Variants in NRG3 observed in about 807,000 individuals in gnomAD.
NRG3 encodes neuregulin 3.
Under a neutral mutation model 66.9 loss-of-function variants are expected in NRG3, and 31 were observed. The ratio of observed to expected loss-of-function variants is 0.46; its 90% confidence interval spans 0.35 to 0.63. NRG3 has a LOEUF of 0.63. Ranked by LOEUF, NRG3 falls within the 20% of genes least tolerant of loss-of-function variation. The probability of loss-of-function intolerance (pLI) is 0.00; values close to 1 mark genes in which losing one functional copy is unlikely to be tolerated. For synonymous variants in NRG3, 393 were observed against 359.4 expected, an observed-to-expected ratio of 1.09 and a Z score of -1.06; for missense variants, 910 against 878.9, an observed-to-expected ratio of 1.04 and a Z score of -0.45.
intron 3 of NRG3, among the ~76,000 whole-genome samples, chr10:82,794,332 T>C (rs527625778): frequency 6.6e-6 from 1 of 152,300 alleles, no homozygotes; most frequent in African/African-American, 2.4e-5. Flanking sequence ...ATCCTCTGTG[T>C]CTGGTATGAG....
intron 1 of NRG3, among the ~76,000 whole-genome samples, chr10:82,348,378 G>C (rs1245055130): frequency 6.9e-6 from 1 of 145,232 alleles, no homozygotes; most frequent in Non-Finnish European, 1.5e-5. Context: ...TTTTCTTTAA[G>C]AATGTTGAAT....
intron 3 of NRG3, among the ~76,000 whole-genome samples, chr10:82,825,673 C>G (rs1288596904): frequency 6.6e-6 from 1 of 152,136 alleles, no homozygotes; most frequent in Non-Finnish European, 1.5e-5. Context: ...GAGTTCAAAG[C>G]ACAGGCAAAT....
At chr10:82,143,906 C>T (rs1006156948) in intron 1 of NRG3, among the ~76,000 whole-genome samples, 15 of 151,772 alleles carry the variant, frequency 9.9e-5, no homozygotes, top group African/African-American at 3.1e-4. Context: ...GGTGCACACC[C>T]GTAGTCCCAG....
At chr10:82,729,553 G>T (rs2134626207) in intron 2 of NRG3, among the ~76,000 whole-genome samples, 1 of 152,188 alleles carries the variant, frequency 6.6e-6, no homozygotes, top group East Asian at 1.9e-4. Context: ...AAGTGTACAG[G>T]GTGTTCATGC....
intron 2 of NRG3, among the ~76,000 whole-genome samples, chr10:82,723,971 C>T (rs530631137): frequency 5.1e-4 from 76 of 150,160 alleles, no homozygotes; most frequent in African/African-American, 1.7e-3. Flanking sequence ...CAGAGCGAGA[C>T]TCCATCTCAA....
intron 2 of NRG3, among the ~76,000 whole-genome samples, chr10:82,535,664 A>G (rs774886964): frequency 2.6e-5 from 4 of 152,148 alleles, no homozygotes; most frequent in Non-Finnish European, 4.4e-5. Context: ...GAACCTGCAT[A>G]TGAGAGATCA....
intron 2 of NRG3, among the ~76,000 whole-genome samples, chr10:82,481,105 A>G (rs1842231654): frequency 6.6e-6 from 1 of 152,144 alleles, no homozygotes; most frequent in Non-Finnish European, 1.5e-5. Context: ...CCCAGCTACC[A>G]TCTCATGCCT....
intron 4 of NRG3, among the ~76,000 whole-genome samples, chr10:82,921,560 C>A (rs1846424084): frequency 6.6e-6 from 1 of 152,126 alleles, no homozygotes; most frequent in Admixed American, 6.5e-5. Flanking sequence ...TCTCTACTAT[C>A]TTCACAATAA....
intron 3 of NRG3, among the ~76,000 whole-genome samples, chr10:82,812,632 T>A (rs2135514020): frequency 6.6e-6 from 1 of 152,214 alleles, no homozygotes; most frequent in Non-Finnish European, 1.5e-5. Context: ...AAAATGAATT[T>A]AAAAAGCACA....
chr10:82,947,172 T>G (rs995384522), intron 4 of NRG3, among the ~76,000 whole-genome samples: 2 of 152,182 alleles, frequency 1.3e-5, no homozygotes, highest in African/African-American at 2.4e-5. Context: ...TAGTTTCCAT[T>G]GTCTAGAATT....
intron 1 of NRG3, among the ~76,000 whole-genome samples, chr10:82,106,352 C>A (rs546633346): frequency 2.0e-5 from 3 of 152,276 alleles, no homozygotes; most frequent in Admixed American, 6.5e-5. Flanking sequence ...GGAGGGTTCA[C>A]CACAAGGCCA....
chr10:82,079,241 C>T (rs888486094), intron 1 of NRG3, among the ~76,000 whole-genome samples: 4 of 151,908 alleles, frequency 2.6e-5, no homozygotes, highest in Admixed American at 6.6e-5. Context: ...GGTGGAGTTT[C>T]ACCAGGTTGG....
At chr10:82,872,451 G>T (rs1841425457) in intron 4 of NRG3, among the ~76,000 whole-genome samples, 1 of 152,064 alleles carries the variant, frequency 6.6e-6, no homozygotes, top group Admixed American at 6.5e-5. Context: ...AGCTCTATTA[G>T]TGAGCTTACT....
intron 1 of NRG3, among the ~76,000 whole-genome samples, chr10:82,059,954 C>T (rs928565005): frequency 5.9e-5 from 9 of 152,150 alleles, no homozygotes; most frequent in Non-Finnish European, 1.3e-4. Context: ...ACAGGCAAAA[C>T]CACCTCTGCC....
intron 2 of NRG3, among the ~76,000 whole-genome samples, chr10:82,655,385 T>C (rs543553166): frequency 6.6e-6 from 1 of 152,126 alleles, no homozygotes; most frequent in East Asian, 1.9e-4. Context: ...ATAAAAACAA[T>C]AGGATATTTT....
rs780209322 is a variant in NRG3 at position 82,255,750 on chromosome 10, G to A, written c.824-102989G>A. ...CCCAAGTAGCTGGGATTACAGGCATGCATCAACCACACCTGGCTAATTTTT... is the reference window on the plus strand; with the variant it reads ...CCCAAGTAGCTGGGATTACAGGCATACATCAACCACACCTGGCTAATTTTT... On this transcript the variant is annotated intron_variant, in intron 1 of 8. Transcript: ENST00000372141. 1.0e-4 allele frequency among the ~76,000 whole-genome samples: 15 copies of A among 149,608 alleles called. 1 individual carries two copies. The highest frequency in any genetic ancestry group is 4.7e-4 in the Admixed American group (7 of 15,036).
intron 3 of NRG3, among the ~76,000 whole-genome samples, chr10:82,759,900 G>A (rs1457526039): frequency 2.6e-5 from 4 of 151,968 alleles, no homozygotes; most frequent in Non-Finnish European, 5.9e-5. Flanking sequence ...GGTAACAGTC[G>A]GCACAAGACA....
chr10:82,511,917 A>G (rs568788279), intron 2 of NRG3, among the ~76,000 whole-genome samples: 1 of 152,158 alleles, frequency 6.6e-6, no homozygotes, highest in South Asian at 2.1e-4. Flanking sequence ...GGCTTATAAC[A>G]GGCATATTCA....
At chr10:82,735,713 C>T (rs542849425) in intron 2 of NRG3, among the ~76,000 whole-genome samples, 1 of 152,030 alleles carries the variant, frequency 6.6e-6, no homozygotes, top group East Asian at 1.9e-4. Flanking sequence ...AATGAAAGCA[C>T]ATGGACACAG....
Sources: allele counts gnomAD v4.1 joint callset (sites outside exome capture counted in the v4.1 genomes callset), GRCh38; gene constraint gnomAD v4.1.1; transcripts MANE v1.5; gene names NCBI Gene and HGNC (gene_info 2026-07-23, HGNC 2026-07-21).